Variants in ZDBF2 observed in about 807,000 individuals in gnomAD.
ZDBF2 encodes the protein DBF4-type zinc finger-containing protein 2.
In ZDBF2, 6 loss-of-function variants were observed where a neutral mutation model predicts 9.4. That is an observed-to-expected ratio of 0.64 (90% CI 0.35 to 1.27). The LOEUF is 1.27. Among genes scored for constraint, ZDBF2 ranks in the 50% most tolerant of loss-of-function variants. ZDBF2 has a pLI of 0.03. For missense variants in ZDBF2, 2,697 were observed against 2,766.8 expected (o/e 0.97, Z 0.57); for synonymous variants, 905 against 946.3 (o/e 0.96, Z 0.80).
At position 206,297,360 on chromosome 2, in the gene ZDBF2, T is replaced by C; in HGVS notation, c.175T>C (p.Cys59Arg). ...QDVLQHHPYH[C>R]QESSSTQDET... ...TGTACTGCAGCACCACCCATATCAT[T>C]GTCAAGAGAGCAGGTAAAGTAGTTG... The change falls in exon 4 of 5, where the codon TGT becomes CGT. Residue 59 changes from cysteine (C) to arginine (R), a missense_variant. This residue lies in a region of ZDBF2 where 910 missense variants were observed against 973.6 expected (regional missense o/e 0.93). Transcript: ENST00000374423. 1 of 1,612,664 alleles carries C rather than the reference T, an allele frequency of 6.2e-7. No homozygotes were observed. The highest frequency in any genetic ancestry group is 8.5e-7 in the Non-Finnish European group (1 of 1,179,468).
intron 1 of ZDBF2, among the ~76,000 whole-genome samples, 200 bp downstream of exon 1, chr2:206,275,146 G>A (rs1464765044): frequency 6.6e-6 from 1 of 152,096 alleles, no homozygotes; most frequent in South Asian, 2.1e-4. Flanking sequence ...CGGCGGCTCC[G>A]GGCCGGGATC....
chr2:206,307,151 G>T lies in ZDBF2; in HGVS notation c.2623G>T (p.Asp875Tyr), dbSNP rs764990259. The T allele has an allele frequency of 6.2e-7, 1 of 1,613,082 alleles. No individual in the cohort carries two copies. Among genetic ancestry groups the T allele is most frequent in the Non-Finnish European group, 8.5e-7 (1 of 1,179,626 alleles). ...DEPSGSEISSDSHAPLHSVTN... is the reference protein window; with the variant it reads ...DEPSGSEISSYSHAPLHSVTN... ...ACCCAGTGGTTCTGAAATAAGTTCG[G>T]ATTCCCATGCCCCTCTTCATTCAGT... The change falls in exon 5 of 5, where the codon GAT becomes TAT. Residue 875 changes from aspartate to tyrosine, a missense_variant. Asp to Tyr is a radical substitution (Grantham distance 160). This residue lies in a region of ZDBF2 where 1,783 missense variants were observed against 1,776.5 expected (regional missense o/e 1.00). Coordinates refer to ENST00000374423, the MANE Select transcript of ZDBF2 (RefSeq NM_020923.3).
chr2:206,284,542 A>C (rs1455429943), intron 3 of ZDBF2, among the ~76,000 whole-genome samples: 1 of 152,146 alleles, frequency 6.6e-6, no homozygotes, highest in African/African-American at 2.4e-5. Context: ...AACAACTAGA[A>C]CATATTTCTC....
At position 206,274,715 on chromosome 2, in the gene ZDBF2, G is replaced by A. The variant is rs1690881397; in HGVS notation, c.-334G>A. 1 of 152,266 alleles carries A rather than the reference G, an allele frequency of 6.6e-6. No homozygotes were observed. Among genetic ancestry groups the A allele is most frequent in the African/African-American group, 2.4e-5 (1 of 41,468 alleles). 9.4% of individuals were successfully genotyped at this position (152,266 alleles called of 1,614,324 possible). A position where few individuals can be genotyped will look rare whatever the true frequency, so the allele number is the denominator to read the frequency against. The stretch of plus-strand genomic sequence containing the variant: ...GTTGCCTTGGATGCCTGCGTGAGTG[G>A]AGTCGCGACTCGGGGCCCGCGTCCT... On this transcript the variant is annotated 5_prime_UTR_variant, in exon 1 of 5. Transcript: ENST00000374423.
chr2:206,309,659 G>A lies in ZDBF2; in HGVS notation c.5131G>A (p.Asp1711Asn), dbSNP rs770725241. 4.3e-6 allele frequency: 7 copies of A among 1,613,892 alleles called. No individual in the cohort carries two copies. The highest frequency in any genetic ancestry group is 1.7e-5 in the Admixed American group (1 of 60,022). ...KSCQSSASAV[D>N]FGASSKSALH... is the part of the protein sequence containing the mutation. ...CTGTCAGTCTAGTGCTTCTGCAGTG[G>A]ATTTTGGTGCCTCTTCCAAGTCAGC... Residue 1711 changes from aspartate (D) to asparagine (N), a missense_variant, in exon 5 of 5, where the codon GAT (aspartate) becomes AAT (asparagine). Asp to Asn is a conservative substitution (Grantham distance 23). Around this residue, in one of 3 missense-constraint regions of ZDBF2, gnomAD observed 1,783 missense variants for 1,776.5 expected, o/e 1.00. Coordinates refer to ENST00000374423, the MANE Select transcript of ZDBF2 (RefSeq NM_020923.3).
In ZDBF2 at chr2:206,311,556, G is replaced by A. The variant is rs1456131206; in HGVS notation, c.7028G>A (p.Arg2343Gln). ...CAACAACGTGAGAGAATGATGACTC[G>A]GCTAGCAAACAAACTGAGAGGTAAT... ...CLQQRERMMT[R>Q]LANKLRGNEV... The change falls in exon 5 of 5, where the codon CGG (arginine) becomes CAG (glutamine). Residue 2343 changes from arginine (R) to glutamine (Q), a missense_variant. Physicochemically the swap from Arg to Gln is conservative, Grantham distance 43 (BLOSUM62 1). Coordinates refer to ENST00000374423, the MANE Select transcript of ZDBF2 (RefSeq NM_020923.3). 2 of 1,526,260 alleles carry A rather than the reference G, an allele frequency of 1.3e-6. No individual in the cohort carries two copies. Among genetic ancestry groups the A allele is most frequent in the Non-Finnish European group, 1.8e-6 (2 of 1,138,780 alleles). 94.5% of individuals were successfully genotyped at this position (1,526,260 alleles called of 1,614,324 possible).
chr2:206,305,104 T>C lies in ZDBF2; in HGVS notation c.576T>C (p.Pro192=). ...GTAATGCTCCTGCTAGTTGTTTACC[T>C]GAAAGCTCTAACGATAGACCAGTTA... is the stretch of plus-strand genomic sequence containing the variant. The part of the protein sequence containing the change: ...VICNAPASCL[P]ESSNDRPVTA... The change falls in exon 5 of 5, where the codon CCT becomes CCC. Residue 192 remains proline (P), a synonymous_variant. Transcript: ENST00000374423. The C allele has an allele frequency of 6.2e-7, 1 of 1,613,778 alleles. No homozygotes were observed.
At chr2:206,286,816 A>G (rs1691627745) in intron 3 of ZDBF2, among the ~76,000 whole-genome samples, 2 of 152,232 alleles carry the variant, frequency 1.3e-5, no homozygotes, top group African/African-American at 4.8e-5. Flanking sequence ...ATCCATTTAA[A>G]TTCAAAATGA....
Position 206,310,989 on chromosome 2 carries a change from A to G in ZDBF2, c.6461A>G (p.Asp2154Gly). 1 of 1,613,412 alleles carries G rather than the reference A, an allele frequency of 6.2e-7. No individual in the cohort carries two copies. The change falls in exon 5 of 5, where the codon GAT becomes GGT. Residue 2154 changes from aspartate (D) to glycine (G), a missense_variant. By Grantham distance (94) the Asp-to-Gly change is moderately conservative. This residue lies in a region of ZDBF2 where 1,783 missense variants were observed against 1,776.5 expected (regional missense o/e 1.00). Coordinates refer to ENST00000374423, the MANE Select transcript of ZDBF2 (RefSeq NM_020923.3). ...RNFQLTFLNH[D>G]VVKISPKSVR... The stretch of plus-strand genomic sequence containing the variant: ...TTCCAGCTAACATTTTTAAATCATG[A>G]TGTTGTCAAAATCTCTCCAAAATCA...
At chr2:206,298,643 C>T (rs1336503681) in intron 4 of ZDBF2, among the ~76,000 whole-genome samples, 2 of 152,164 alleles carry the variant, frequency 1.3e-5, no homozygotes, top group African/African-American at 4.8e-5. Context: ...CCTGCCTTAG[C>T]CTCCCAAGTA....
At chr2:206,282,201 AG>A (rs1691357376) in intron 3 of ZDBF2, among the ~76,000 whole-genome samples, 1 of 152,198 alleles carries the variant, frequency 6.6e-6, no homozygotes, top group African/African-American at 2.4e-5. Flanking sequence ...GGGAAGGGGT[AG>A]GGTGGCCAGG....
intron 3 of ZDBF2, among the ~76,000 whole-genome samples, chr2:206,287,808 A>T (rs1040206453): frequency 1.5e-4 from 23 of 151,982 alleles, no homozygotes; most frequent in African/African-American, 5.6e-4. Flanking sequence ...CTAAAAATTC[A>T]GAGATTTCTT....
At chr2:206,294,898 T>C (rs1297719593) in intron 3 of ZDBF2, among the ~76,000 whole-genome samples, 1 of 152,206 alleles carries the variant, frequency 6.6e-6, no homozygotes, top group Non-Finnish European at 1.5e-5. Context: ...ACGTTGAATT[T>C]TAACTGAATA....
intron 1 of ZDBF2, among the ~76,000 whole-genome samples, chr2:206,277,769 A>G (rs1408214635): frequency 6.6e-6 from 1 of 151,216 alleles, no homozygotes; most frequent in Non-Finnish European, 1.5e-5. Flanking sequence ...TACTAAAAAT[A>G]CCAATGAAAC....
intron 3 of ZDBF2, among the ~76,000 whole-genome samples, chr2:206,289,854 A>G (rs938359300): frequency 3.3e-5 from 5 of 151,664 alleles, no homozygotes; most frequent in Non-Finnish European, 7.4e-5. Context: ...CTATAGAGAG[A>G]AGTTCTTCCT....
At chr2:206,280,501 T>C (rs1574376077) in intron 2 of ZDBF2, among the ~76,000 whole-genome samples, 2 of 152,224 alleles carry the variant, frequency 1.3e-5, no homozygotes, top group East Asian at 3.8e-4. Flanking sequence ...ATTTGCCTTA[T>C]GTGTAAGTAC....
At chr2:206,303,066 TG>T (rs1692585585) in intron 4 of ZDBF2, among the ~76,000 whole-genome samples, 1 of 152,114 alleles carries the variant, frequency 6.6e-6, no homozygotes, top group Non-Finnish European at 1.5e-5. Flanking sequence ...GTACAGTCCA[TG>T]GTTTATTCAG....
chr2:206,279,994 A>C (rs1410922693), intron 2 of ZDBF2, among the ~76,000 whole-genome samples: 1 of 152,132 alleles, frequency 6.6e-6, no homozygotes, highest in East Asian at 1.9e-4. Context: ...TAGTAGTGAC[A>C]GGTTTTTGCC....
rs1188730940 is a variant in ZDBF2 at position 206,308,686 on chromosome 2, A to C, written c.4158A>C (p.Lys1386Asn). 1 of 1,612,634 alleles carries C rather than the reference A, an allele frequency of 6.2e-7. No homozygotes were observed. Among genetic ancestry groups the C allele is most frequent in the East Asian group, 2.2e-5 (1 of 44,862 alleles). ...AAADELQKPV[K>N]EINLWKEDHI... ...CAGATGAGCTTCAAAAACCTGTCAAAGAAATAAATCTTTGGAAGGAAGACC... is the reference window on the plus strand; with the variant it reads ...CAGATGAGCTTCAAAAACCTGTCAACGAAATAAATCTTTGGAAGGAAGACC... The change falls in exon 5 of 5, where the codon AAA becomes AAC. Residue 1386 changes from lysine to asparagine, a missense_variant. Physicochemically the swap from Lys to Asn is moderately conservative, Grantham distance 94. Around this residue, in one of 3 missense-constraint regions of ZDBF2, gnomAD observed 1,783 missense variants for 1,776.5 expected, o/e 1.00. Transcript: ENST00000374423.
Sources: allele counts gnomAD v4.1 joint callset (sites outside exome capture counted in the v4.1 genomes callset), GRCh38; gene constraint gnomAD v4.1.1; regional missense constraint gnomAD v4.1.1; transcripts MANE v1.5; gene names NCBI Gene and HGNC (gene_info 2026-07-23, HGNC 2026-07-21).